The following DAPP1 variants were observed in gnomAD, a reference collection of about 807,000 sequenced individuals.
The protein encoded by DAPP1 is dual adaptor of phosphotyrosine and 3-phosphoinositides 1.
In DAPP1, 20 loss-of-function variants were observed where a neutral mutation model predicts 41.5. The ratio of observed to expected loss-of-function variants is 0.48; its 90% CI spans 0.34 to 0.70. The LOEUF (loss-of-function observed/expected upper bound fraction) is 0.70, where lower values mean the gene tolerates loss of function less well. Among genes scored for constraint, DAPP1 ranks in the 30% least tolerant of loss-of-function variants. The pLI, the probability that DAPP1 is intolerant of heterozygous loss-of-function variation, is 0.01. For synonymous variants in DAPP1, 113 were observed against 116.2 expected (o/e 0.97, Z 0.18); for missense variants, 233 against 333.4 (o/e 0.70, Z 2.35).
intron 3 of DAPP1, among the ~76,000 whole-genome samples, chr4:99,848,943 G>T (rs1302423911): frequency 2.0e-5 from 3 of 152,186 alleles, no homozygotes; most frequent in Admixed American, 2.0e-4. Context: ...CTCTGCAGAA[G>T]GGGAAATCAT....
intron 3 of DAPP1, among the ~76,000 whole-genome samples, chr4:99,840,676 A>C (rs984604897): frequency 2.0e-5 from 3 of 152,224 alleles, no homozygotes. Context: ...AAAAAGAACA[A>C]AGGTAAAAAT....
At chr4:99,828,555 G>T (rs57412643) in intron 1 of DAPP1, among the ~76,000 whole-genome samples, 5,771 of 152,086 alleles carry the variant, frequency 0.038, 261 homozygotes, top group East Asian at 0.24. Context: ...AACTATGAAG[G>T]TTCCACTATT....
At chr4:99,834,909 A>G (rs1278945485) in intron 1 of DAPP1, among the ~76,000 whole-genome samples, 1 of 151,988 alleles carries the variant, frequency 6.6e-6, no homozygotes, top group African/African-American at 2.4e-5. Context: ...AGTGACTGTC[A>G]TGTTCATGCG....
At chr4:99,825,314 C>T (rs568822652) in intron 1 of DAPP1, among the ~76,000 whole-genome samples, 1 of 152,298 alleles carries the variant, frequency 6.6e-6, no homozygotes, top group South Asian at 2.1e-4. Flanking sequence ...CTGTCTGTCT[C>T]TGTGTTTTCG....
At chr4:99,842,076 T>C (rs531412538) in intron 3 of DAPP1, among the ~76,000 whole-genome samples, 1 of 152,370 alleles carries the variant, frequency 6.6e-6, no homozygotes, top group South Asian at 2.1e-4. Flanking sequence ...GTTGAACCTT[T>C]CTGGCACTGA....
intron 1 of DAPP1, among the ~76,000 whole-genome samples, chr4:99,826,815 C>T (rs6532833): frequency 0.55 from 83,644 of 152,036 alleles, 23,622 homozygotes; most frequent in African/African-American, 0.68. Flanking sequence ...GTTTATCATT[C>T]TCCCGCTCCA....
intron 1 of DAPP1, among the ~76,000 whole-genome samples, chr4:99,827,110 T>C (rs1254480455): frequency 6.6e-6 from 1 of 152,144 alleles, no homozygotes; most frequent in Non-Finnish European, 1.5e-5. Flanking sequence ...AACTCTAAAG[T>C]GCATAACAAT....
At chr4:99,851,076 C>T (rs1305929965) in intron 3 of DAPP1, among the ~76,000 whole-genome samples, 1 of 152,146 alleles carries the variant, frequency 6.6e-6, no homozygotes, top group African/African-American at 2.4e-5. Flanking sequence ...TGGGAGCCAG[C>T]GCTGAATTTA....
intron 8 of DAPP1, chr4:99,866,594 GTATA>G: frequency 1.3e-6 from 1 of 766,196 alleles, no homozygotes; most frequent in South Asian, 1.3e-5. Context: ...TCTGCTCTCT[GTATA>G]TCTCCCGAGG....
chr4:99,857,287 A>G (rs1296077142), intron 4 of DAPP1, among the ~76,000 whole-genome samples: 1 of 152,080 alleles, frequency 6.6e-6, no homozygotes, highest in African/African-American at 2.4e-5. Context: ...TTTACTGAGA[A>G]GGCTAACTCT....
intron 3 of DAPP1, among the ~76,000 whole-genome samples, chr4:99,851,534 G>GTTTTTTTTTTTT (rs537614787): frequency 9.0e-5 from 7 of 77,758 alleles, no homozygotes; most frequent in African/African-American, 1.6e-4. Flanking sequence ...GTTTTGTGTA[G>GTTTTTTTTTTTT]TTTTTTTTTT....
At chr4:99,862,937 GGTTCAAA>G (rs1724290817) in intron 5 of DAPP1, 66 bp from the exon 6 acceptor site, 1 of 1,069,316 alleles carries the variant, frequency 9.4e-7, no homozygotes, top group Admixed American at 3.3e-5. Context: ...TAAATCATCT[GGTTCAAA>G]TATTACATTC....
At position 99,816,908 on chromosome 4, in the gene DAPP1, G is replaced by C. The variant is rs139586587; in HGVS notation, c.-6G>C. On this transcript the variant is annotated 5_prime_UTR_variant, in exon 1 of 9. Transcript: ENST00000512369. ...GTCTCTCTCTCTACCTCTGTGAAGG[G>C]CGCGAATGGGCAGAGCAGAACTTCT... The C allele has an allele frequency of 1.7e-3, 2,769 of 1,602,780 alleles. 27 individuals carry two copies. The African/African-American group carries it at 0.033, about 19-fold the overall frequency.
At chr4:99,832,307 T>C (rs1225747630) in intron 1 of DAPP1, among the ~76,000 whole-genome samples, 1 of 152,208 alleles carries the variant, frequency 6.6e-6, no homozygotes. Flanking sequence ...ATCATCCTTA[T>C]CAAAGGTGGA....
Position 99,835,646 on chromosome 4 carries a change from G to A in DAPP1, c.125G>A (p.Arg42His). 6 of 1,613,450 alleles carry A rather than the reference G, an allele frequency of 3.7e-6. No homozygotes were observed. The highest frequency in any genetic ancestry group is 1.7e-4 in the Middle Eastern group (1 of 5,840). Residue 42 changes from arginine to histidine, a missense_variant, in exon 2 of 9, where the codon CGC (arginine) becomes CAC (histidine). Arg to His is a conservative substitution (Grantham distance 29, BLOSUM62 0). Transcript: ENST00000512369. ...AGGTGGTATCACGGCAACCTCACAC[G>A]CCATGCTGCTGAAGCTCTTCTCCTC... ...DLGWYHGNLT[R>H]HAAEALLLSN...
chr4:99,866,765 T>G lies in DAPP1; in HGVS notation c.774+644T>G, dbSNP rs967374481. On this transcript the variant is annotated intron_variant, in intron 8 of 8. Coordinates refer to ENST00000512369, the MANE Select transcript of DAPP1 (RefSeq NM_014395.3). Reference sequence around the variant, plus strand: ...AAAACTTTGATGATTTCTTTTTTTCTATTTTTTTTTTTTTTTTTTTTTGAG... The same window carrying G: ...AAAACTTTGATGATTTCTTTTTTTCGATTTTTTTTTTTTTTTTTTTTTGAG... 4 of 467,328 alleles carry G rather than the reference T, an allele frequency of 8.6e-6. No individual in the cohort carries two copies. The African/African-American group carries it at 9.5e-5, about 11-fold the overall frequency. 28.9% of individuals were successfully genotyped at this position (467,328 alleles called of 1,614,324 possible). A position where few individuals can be genotyped will look rare whatever the true frequency, so the allele number is the denominator to read the frequency against.
At chr4:99,843,933 C>T (rs1723578660) in intron 3 of DAPP1, among the ~76,000 whole-genome samples, 1 of 152,158 alleles carries the variant, frequency 6.6e-6, no homozygotes, top group Non-Finnish European at 1.5e-5. Context: ...TCAAAACTAG[C>T]AAACTTGTGA....
intron 1 of DAPP1, among the ~76,000 whole-genome samples, chr4:99,822,316 T>G (rs1425292611): frequency 6.6e-6 from 1 of 152,134 alleles, no homozygotes; most frequent in Non-Finnish European, 1.5e-5. Flanking sequence ...CAAGGCAGCA[T>G]AGAGGAGACT....
intron 3 of DAPP1, among the ~76,000 whole-genome samples, 188 bp downstream of exon 3, chr4:99,840,610 C>T (rs1350982506): frequency 1.3e-5 from 2 of 151,686 alleles, no homozygotes; most frequent in Admixed American, 6.6e-5. Flanking sequence ...TGATTAAAAG[C>T]ACACAATTTC....
Sources: allele counts gnomAD v4.1 joint callset (sites outside exome capture counted in the v4.1 genomes callset), GRCh38; gene constraint gnomAD v4.1.1; transcripts MANE v1.5; gene names NCBI Gene and HGNC (gene_info 2026-07-23, HGNC 2026-07-21).